The following CPE variants were observed in gnomAD, a reference collection of about 807,000 sequenced individuals.
The protein encoded by CPE is carbocypeptidase E.
A neutral mutation model predicts 53.5 loss-of-function variants in CPE; 17 were observed. The ratio of observed to expected loss-of-function variants is 0.32; its 90% CI spans 0.22 to 0.48. CPE has a LOEUF of 0.48. Among genes scored for constraint, CPE ranks in the 20% least tolerant of loss-of-function variants. CPE has a pLI of 0.99. For missense variants in CPE, 524 were observed against 614.7 expected (o/e 0.85, Z 1.56); for synonymous variants, 226 against 228.8 (o/e 0.99, Z 0.11).
intron 1 of CPE, among the ~76,000 whole-genome samples, chr4:165,444,451 C>G (rs1731666651): frequency 6.6e-6 from 1 of 151,684 alleles, no homozygotes. Context: ...TGCCTGAGCT[C>G]AGGCATTCGA....
At chr4:165,490,265 A>G (rs1732576453) in intron 6 of CPE, among the ~76,000 whole-genome samples, 1 of 152,218 alleles carries the variant, frequency 6.6e-6, no homozygotes, top group African/African-American at 2.4e-5. Context: ...AGAGTCTGCT[A>G]AGGAGAAGAG....
chr4:165,463,635 C>A lies in CPE; in HGVS notation c.308-755C>A, dbSNP rs186050227. Among the ~76,000 whole-genome samples, 8 of 152,318 alleles carry A rather than the reference C, an allele frequency of 5.3e-5. No individual in the cohort carries two copies. In the East Asian group the frequency reaches 9.7e-4, roughly 18 times the overall value. On this transcript the variant is annotated intron_variant, in intron 1 of 8. Transcript: ENST00000402744. ...AAGACTAGCATTTGAATCCTGGCTT[C>A]CCAGGCCATGTAACTATGGAGACAG...
chr4:165,484,358 T>C, intron 4 of CPE, 64 bp from the exon 5 acceptor site: 3 of 1,463,656 alleles, frequency 2.0e-6, no homozygotes, highest in Non-Finnish European at 2.8e-6. Flanking sequence ...AATCACTCTT[T>C]AGAAAACATG....
In CPE at chr4:165,379,407, G is replaced by A. The variant is rs144625307; in HGVS notation, c.186G>A (p.Ala62=). Residue 62 remains alanine, a synonymous_variant, in exon 1 of 9, where the codon GCG becomes GCA. Coordinates refer to ENST00000402744, the MANE Select transcript of CPE (RefSeq NM_001873.4). This position sits in a 1 kb window ranked among gnomAD's most constrained non-coding sequence, Gnocchi z 6.0. ...EYHRYPELRE[A]LVSVWLQCTA... is the part of the protein sequence containing the mutation. ...ACCGCTACCCCGAGCTGCGCGAGGC[G>A]CTCGTGTCCGTGTGGCTGCAGTGCA... is the stretch of plus-strand genomic sequence containing the variant. 1.2e-6 allele frequency: 2 copies of A among 1,610,266 alleles called. No individual in the cohort carries two copies. Among genetic ancestry groups the A allele is most frequent in the Non-Finnish European group, 1.7e-6 (2 of 1,179,028 alleles).
At chr4:165,421,063 TGTC>T (rs1312881593) in intron 1 of CPE, among the ~76,000 whole-genome samples, 1 of 152,206 alleles carries the variant, frequency 6.6e-6, no homozygotes, top group Non-Finnish European at 1.5e-5. Flanking sequence ...TATTTGTTAA[TGTC>T]GTGAGAAATA....
At chr4:165,474,112 T>A (rs1344143076) in intron 3 of CPE, among the ~76,000 whole-genome samples, 1 of 152,244 alleles carries the variant, frequency 6.6e-6, no homozygotes. Flanking sequence ...TAGGGAAACC[T>A]GGATGGGGGC....
At chr4:165,387,010 G>T (rs762647597) in intron 1 of CPE, among the ~76,000 whole-genome samples, 3 of 152,128 alleles carry the variant, frequency 2.0e-5, no homozygotes, top group Non-Finnish European at 2.9e-5. Flanking sequence ...TTGCCCTTTT[G>T]TTTCCTTCTC....
rs190546691 is a variant in CPE, at chr4:165,490,359, C to T, written c.1113+2782C>T. Among the ~76,000 whole-genome samples the T allele has an allele frequency of 4.8e-3, 727 of 151,796 alleles. 6 individuals are homozygous for T. The highest frequency in any genetic ancestry group is 0.017 in the African/African-American group (686 of 41,400). On this transcript the variant is annotated intron_variant, in intron 6 of 8. Coordinates refer to ENST00000402744, the MANE Select transcript of CPE (RefSeq NM_001873.4). ...CTTAAAGAATGGTTCATGGGCCAGG[C>T]GTGGTGGCTCACGCCTGTAATCCCA...
intron 3 of CPE, among the ~76,000 whole-genome samples, chr4:165,472,559 G>A (rs1732227330): frequency 6.6e-6 from 1 of 152,232 alleles, no homozygotes. Context: ...TTTATGAAGA[G>A]TAGATCAATG....
intron 3 of CPE, among the ~76,000 whole-genome samples, chr4:165,471,210 A>T (rs184226378): frequency 5.9e-5 from 9 of 152,266 alleles, no homozygotes; most frequent in Admixed American, 5.9e-4. Flanking sequence ...GCCAATTCCA[A>T]TGTGTTCCCA....
At position 165,379,390 on chromosome 4, in the gene CPE, C is replaced by A. The variant is rs768266529; in HGVS notation, c.169C>A (p.Pro57Thr). Residue 57 changes from proline to threonine, a missense_variant, in exon 1 of 9, where the codon CCC (proline) becomes ACC (threonine). Physicochemically the swap from Pro to Thr is conservative, Grantham distance 38. Transcript: ENST00000402744. The surrounding 1 kb of genome is among the most constrained non-coding windows in gnomAD (Gnocchi z 6.0). ...CATCTCCTTCGAGTACCACCGCTAC[C>A]CCGAGCTGCGCGAGGCGCTCGTGTC... Reference protein sequence around the residue: ...DGISFEYHRYPELREALVSVW... With the variant: ...DGISFEYHRYTELREALVSVW... 1.2e-5 allele frequency: 19 copies of A among 1,609,150 alleles called. No homozygotes were observed. The highest frequency in any genetic ancestry group is 1.4e-5 in the Non-Finnish European group (16 of 1,178,802).
chr4:165,479,484 A>G (rs1037131773), intron 3 of CPE, among the ~76,000 whole-genome samples: 11 of 152,248 alleles, frequency 7.2e-5, no homozygotes, highest in Non-Finnish European at 1.3e-4. Context: ...AATTTCTTGT[A>G]TAGACACTAG....
At chr4:165,419,706 C>T (rs981334950) in intron 1 of CPE, among the ~76,000 whole-genome samples, 2 of 152,214 alleles carry the variant, frequency 1.3e-5, no homozygotes, top group South Asian at 4.1e-4. Flanking sequence ...TCCATTGACT[C>T]CTTGTCCTTT....
At chr4:165,397,443 C>T (rs9997481) in intron 1 of CPE, among the ~76,000 whole-genome samples, 34,776 of 152,132 alleles carry the variant, frequency 0.23, 4,510 homozygotes, top group East Asian at 0.41. Context: ...TTCTTAAATA[C>T]GCAATTCGGT....
intron 1 of CPE, among the ~76,000 whole-genome samples, chr4:165,413,722 C>G (rs543958438): frequency 6.6e-6 from 1 of 152,232 alleles, no homozygotes; most frequent in East Asian, 1.9e-4. Flanking sequence ...AACAGGAACA[C>G]AGAGGAGGGG....
chr4:165,385,992 T>C (rs1730584809), intron 1 of CPE, among the ~76,000 whole-genome samples: 1 of 152,174 alleles, frequency 6.6e-6, no homozygotes, highest in Admixed American at 6.5e-5. Flanking sequence ...TCCATATTTC[T>C]TTGGAGAGCT....
chr4:165,417,556 T>C (rs1326140932), intron 1 of CPE, among the ~76,000 whole-genome samples: 1 of 98,884 alleles, frequency 1.0e-5, no homozygotes, highest in Non-Finnish European at 2.0e-5. Context: ...TTATTGGCAG[T>C]ATTTTTTTTT....
chr4:165,406,690 T>A (rs566666603), intron 1 of CPE, among the ~76,000 whole-genome samples: 3 of 152,248 alleles, frequency 2.0e-5, no homozygotes, highest in Non-Finnish European at 4.4e-5. Flanking sequence ...TCACCACAAT[T>A]TTAGAACATT....
At chr4:165,417,185 A>G (rs1454110252) in intron 1 of CPE, among the ~76,000 whole-genome samples, 1 of 152,114 alleles carries the variant, frequency 6.6e-6, no homozygotes, top group East Asian at 1.9e-4. Context: ...AACAGATAAG[A>G]TGTTGATGGT....
Sources: allele counts gnomAD v4.1 joint callset (sites outside exome capture counted in the v4.1 genomes callset), GRCh38; gene constraint gnomAD v4.1.1; non-coding constraint Gnocchi (gnomAD v3.1); transcripts MANE v1.5; gene names NCBI Gene and HGNC (gene_info 2026-07-23, HGNC 2026-07-21).